NAP1L4: variants seen among roughly 807,000 people sequenced by gnomAD.
The protein encoded by NAP1L4 is nucleosome assembly protein 1-like 4.
A neutral mutation model predicts 58.2 loss-of-function variants in NAP1L4; 15 were observed. The ratio of observed to expected loss-of-function variants is 0.26; its 90% confidence interval spans 0.17 to 0.40. NAP1L4 has a LOEUF of 0.40. Among genes scored for constraint, NAP1L4 ranks in the 10% least tolerant of loss-of-function variants. NAP1L4 has a pLI of 1.00. For synonymous variants in NAP1L4, 171 were observed against 155.6 expected (o/e 1.10, Z -0.74); for missense variants, 384 against 451.1 (o/e 0.85, Z 1.35).
chr11:2,954,621 G>A lies in NAP1L4; in HGVS notation c.941C>T (p.Ala314Val). Reference protein sequence around the residue: ...SLDEDSEFTLASDFEIGHFFR... With the variant: ...SLDEDSEFTLVSDFEIGHFFR... ...AAAGTGTCCAATTTCAAAATCAGAG[G>A]CTAATGTGAATTCAGAATCTTCATC... Residue 314 changes from alanine (A) to valine (V), a missense_variant, in exon 12 of 16, where the codon GCC becomes GTC. Transcript: ENST00000380542. The surrounding 1 kb of genome is among the most constrained non-coding windows in gnomAD (Gnocchi z 4.8). The A allele has an allele frequency of 3.7e-6, 6 of 1,614,160 alleles. No homozygotes were observed. The highest frequency in any genetic ancestry group is 5.1e-6 in the Non-Finnish European group (6 of 1,180,046).
chr11:2,954,393 C>T lies in NAP1L4; in HGVS notation c.1035+134G>A. On this transcript the variant is annotated intron_variant, in intron 12 of 15. Coordinates refer to ENST00000380542, the MANE Select transcript of NAP1L4 (RefSeq NM_005969.4). The surrounding 1 kb of genome is among the most constrained non-coding windows in gnomAD (Gnocchi z 4.8). ...ATTCCCCCCACAACAAGGACAGCAG[C>T]TTGGACTACATATCTGGCTGATGAT... 7.8e-7 allele frequency: 1 copy of T among 1,283,530 alleles called. No homozygotes were observed. The highest frequency in any genetic ancestry group is 1.5e-5 in the African/African-American group (1 of 67,844). 79.5% of individuals were successfully genotyped at this position (1,283,530 alleles called of 1,614,324 possible). A position where few individuals can be genotyped will look rare whatever the true frequency, so the allele number is the denominator to read the frequency against.
chr11:2,945,953 C>A (rs570282735), intron 15 of NAP1L4, among the ~76,000 whole-genome samples: 1 of 152,228 alleles, frequency 6.6e-6, no homozygotes, highest in African/African-American at 2.4e-5. Context: ...CATGAAAGGG[C>A]TGGGAAGCAG....
At chr11:2,952,670 T>A (rs1336969404) in intron 12 of NAP1L4, 3 of 152,270 alleles carry the variant, frequency 2.0e-5, no homozygotes, top group Non-Finnish European at 4.4e-5. Context: ...CCTTCCGCTC[T>A]AAGGACCCTA....
Position 2,959,804 on chromosome 11 carries a change from A to G in NAP1L4, c.712T>C (p.Ser238Pro), listed in dbSNP as rs1846749620. The G allele has an allele frequency of 1.2e-6, 2 of 1,613,988 alleles. No homozygotes were observed. Among genetic ancestry groups the G allele is most frequent in the Non-Finnish European group, 1.7e-6 (2 of 1,179,968 alleles). Residue 238 changes from serine to proline, a missense_variant, in exon 9 of 16, where the codon TCC (serine) becomes CCC (proline). Around this residue, in one of 3 missense-constraint regions of NAP1L4, gnomAD observed 296 missense variants for 360.8 expected, o/e 0.82. Coordinates refer to ENST00000380542, the MANE Select transcript of NAP1L4 (RefSeq NM_005969.4). This position sits in a 1 kb window ranked among gnomAD's most constrained non-coding sequence, Gnocchi z 4.9. ...TCCACAATCTCAGGACCTTCAAAGG[A>G]AAAGGGATCAGCCTTATCTGGTTCT... ...KSEPDKADPF[S>P]FEGPEIVDCD... is the part of the protein sequence containing the mutation.
intron 4 of NAP1L4, among the ~76,000 whole-genome samples, chr11:2,972,740 G>C (rs1259018339): frequency 6.6e-6 from 1 of 152,194 alleles, no homozygotes; most frequent in Non-Finnish European, 1.5e-5. Flanking sequence ...GGGAGGCCAA[G>C]GTAGGATTGC....
chr11:2,979,874 C>T (rs1410864417), intron 1 of NAP1L4, among the ~76,000 whole-genome samples: 1 of 152,158 alleles, frequency 6.6e-6, no homozygotes, highest in East Asian at 1.9e-4. Context: ...ATAATACATT[C>T]GGCAACACAA....
rs1468767097 is a variant in NAP1L4 at position 2,948,504 on chromosome 11, G to A, written c.*32+723C>T. On this transcript the variant is annotated intron_variant, in intron 15 of 15. Transcript: ENST00000380542. This position sits in a 1 kb window ranked among gnomAD's most constrained non-coding sequence, Gnocchi z 5.1. ...GGTCTCGTCACGGGCAAGAGCCTCTGTCTACTTACGGCCTCCTGTCAGCAT... is the reference window on the plus strand; with the variant it reads ...GGTCTCGTCACGGGCAAGAGCCTCTATCTACTTACGGCCTCCTGTCAGCAT... Among the ~76,000 whole-genome samples the A allele has an allele frequency of 2.0e-5, 3 of 152,194 alleles. No individual in the cohort carries two copies. Among genetic ancestry groups the A allele is most frequent in the African/African-American group, 7.2e-5 (3 of 41,438 alleles).
At chr11:2,977,144 G>GT (rs1380605059) in intron 3 of NAP1L4, among the ~76,000 whole-genome samples, 1 of 152,238 alleles carries the variant, frequency 6.6e-6, no homozygotes, top group African/African-American at 2.4e-5. Flanking sequence ...CACATGTGTA[G>GT]TATATAAATA....
chr11:2,990,888 T>G, intron 1 of NAP1L4: 2 of 322,776 alleles, frequency 6.2e-6, no homozygotes, highest in East Asian at 8.1e-5. Context: ...TACAGGAAGG[T>G]AGTAACTTAG....
chr11:2,969,969 A>T, intron 6 of NAP1L4, 35 bp from the exon 7 acceptor site: 1 of 1,592,824 alleles, frequency 6.3e-7, no homozygotes, highest in Non-Finnish European at 8.6e-7. Context: ...AACGAAAATA[A>T]AAGTTTACAA....
At chr11:2,958,165 C>G in intron 10 of NAP1L4, 1 of 680,278 alleles carries the variant, frequency 1.5e-6, no homozygotes, top group Admixed American at 2.0e-5. Flanking sequence ...GAGTAAAGCT[C>G]TTCCCTTTCC....
rs374728155 is a variant in NAP1L4 at position 2,972,392 on chromosome 11, C to T, written c.174-149G>A. ...CTTAAAAATTAAGAAAAGGACAATA[C>T]CCCAACAGGAAAAAAAGGATACAGG... On this transcript the variant is annotated intron_variant, in intron 4 of 15. Transcript: ENST00000380542. The T allele has an allele frequency of 5.3e-5, 29 of 543,994 alleles. No individual in the cohort carries two copies. In the South Asian group the frequency reaches 1.5e-3, roughly 29 times the overall value. 33.7% of individuals were successfully genotyped at this position (543,994 alleles called of 1,614,324 possible).
intron 8 of NAP1L4, among the ~76,000 whole-genome samples, chr11:2,961,907 G>A (rs1194229262): frequency 6.6e-6 from 1 of 152,170 alleles, no homozygotes; most frequent in African/African-American, 2.4e-5. Context: ...TCAGTCAAGA[G>A]TAACCCAAAG....
chr11:2,968,465 GA>G (rs1271474786), intron 7 of NAP1L4, among the ~76,000 whole-genome samples: 1 of 152,088 alleles, frequency 6.6e-6, no homozygotes, highest in Non-Finnish European at 1.5e-5. Context: ...CTCAGATCAG[GA>G]AAAACCAAGG....
At chr11:2,986,381 AAAAAAAG>A (rs201528140) in intron 1 of NAP1L4, among the ~76,000 whole-genome samples, 141 of 134,534 alleles carry the variant, frequency 1.0e-3, no homozygotes, top group African/African-American at 2.7e-3. Flanking sequence ...CTCAAAAAAA[AAAAAAAG>A]AAAAAGAAAG....
rs1847613251 is a variant in NAP1L4, at chr11:2,971,068, G to C, written c.402+380C>G. On this transcript the variant is annotated intron_variant, in intron 6 of 15. Coordinates refer to ENST00000380542, the MANE Select transcript of NAP1L4 (RefSeq NM_005969.4). The surrounding 1 kb of genome is among the most constrained non-coding windows in gnomAD (Gnocchi z 4.2). ...AATCCACTGGCGGAGCACCTCTCAGGGGGCAAGCTAGTCCATGCCACTGAG... is the reference window on the plus strand; with the variant it reads ...AATCCACTGGCGGAGCACCTCTCAGCGGGCAAGCTAGTCCATGCCACTGAG... 6.6e-6 allele frequency among the ~76,000 whole-genome samples: 1 copy of C among 152,162 alleles called. No individual in the cohort carries two copies. Among genetic ancestry groups the C allele is most frequent in the Non-Finnish European group, 1.5e-5 (1 of 68,046 alleles).
At chr11:2,956,501 A>C (rs1006586786) in intron 10 of NAP1L4, among the ~76,000 whole-genome samples, 3 of 152,220 alleles carry the variant, frequency 2.0e-5, no homozygotes, top group African/African-American at 7.2e-5. Context: ...TTCAATCTTC[A>C]CTGGGCTCTC....
rs1040081440 is a variant in NAP1L4, at chr11:2,971,982, T to C, written c.315+120A>G. ...GTTTAAGGTAGTCTAGACTAAGCTA[T>C]GTTTGGCAGGTTAGATGCGTTCTTA... On this transcript the variant is annotated intron_variant, in intron 5 of 15. Coordinates refer to ENST00000380542, the MANE Select transcript of NAP1L4 (RefSeq NM_005969.4). This position sits in a 1 kb window ranked among gnomAD's most constrained non-coding sequence, Gnocchi z 4.2. 7 of 1,050,766 alleles carry C rather than the reference T, an allele frequency of 6.7e-6. No individual in the cohort carries two copies. The highest frequency in any genetic ancestry group is 9.2e-6 in the Non-Finnish European group (7 of 757,186). 65.1% of individuals were successfully genotyped at this position (1,050,766 alleles called of 1,614,324 possible).
intron 8 of NAP1L4, among the ~76,000 whole-genome samples, chr11:2,963,354 T>A (rs1366418713): frequency 6.6e-6 from 1 of 151,908 alleles, no homozygotes; most frequent in African/African-American, 2.4e-5. Context: ...GGCCCTGTGA[T>A]AAAGTCTAAA....
Sources: allele counts gnomAD v4.1 joint callset (sites outside exome capture counted in the v4.1 genomes callset), GRCh38; gene constraint gnomAD v4.1.1; regional missense constraint gnomAD v4.1.1; non-coding constraint Gnocchi (gnomAD v3.1); transcripts MANE v1.5; gene names NCBI Gene and HGNC (gene_info 2026-07-23, HGNC 2026-07-21).